SLC24A3: variants seen among roughly 807,000 people sequenced by gnomAD.
SLC24A3 encodes sodium/potassium/calcium exchanger 3.
In SLC24A3, 28 loss-of-function variants were observed where a neutral mutation model predicts 75.8. The observed-to-expected ratio is 0.37, with a 90% CI of 0.27 to 0.51. The LOEUF is 0.51. Ranked by LOEUF, SLC24A3 falls within the 20% of genes least tolerant of loss-of-function variation. The pLI, the probability that SLC24A3 is intolerant of heterozygous loss-of-function variation, is 0.94. For missense variants in SLC24A3, 663 were observed against 847.8 expected, an observed-to-expected ratio of 0.78 and a Z score of 2.71; for synonymous variants, 372 against 334.1, an observed-to-expected ratio of 1.11 and a Z score of -1.24.
intron 6 of SLC24A3, among the ~76,000 whole-genome samples, chr20:19,602,042 C>T (rs1312624201): frequency 6.6e-6 from 1 of 151,964 alleles, no homozygotes; most frequent in African/African-American, 2.4e-5. Flanking sequence ...GTGTGGCTGG[C>T]GGGTGCCTGT....
At chr20:19,530,786 G>C (rs981857812) in intron 3 of SLC24A3, among the ~76,000 whole-genome samples, 7 of 152,148 alleles carry the variant, frequency 4.6e-5, no homozygotes, top group Non-Finnish European at 7.3e-5. Flanking sequence ...CTGATGATAA[G>C]TCCCTAGACA....
rs1986773443 is a variant in SLC24A3, at chr20:19,413,117, C to A, written c.272-102371C>A. Among the ~76,000 whole-genome samples the A allele has an allele frequency of 2.0e-5, 3 of 152,158 alleles. No homozygotes were observed. The South Asian group carries it at 6.2e-4, about 32-fold the overall frequency. ...TTTCAGCCCTTTTGCCTTTGGGCTA[C>A]CTACTTAGTCGTTGAGAAAGACCAA... On this transcript the variant is annotated intron_variant, in intron 2 of 16. Transcript: ENST00000328041.
intron 3 of SLC24A3, among the ~76,000 whole-genome samples, chr20:19,536,035 C>T (rs2030390261): frequency 6.6e-6 from 1 of 152,050 alleles, no homozygotes; most frequent in Non-Finnish European, 1.5e-5. Flanking sequence ...CTTAAAGGTC[C>T]CACCTCTTAA....
At chr20:19,539,267 G>A (rs1264576433) in intron 3 of SLC24A3, among the ~76,000 whole-genome samples, 1 of 152,190 alleles carries the variant, frequency 6.6e-6, no homozygotes, top group Admixed American at 6.5e-5. Flanking sequence ...TGTTGCTGGT[G>A]ACATGGCAGC....
intron 2 of SLC24A3, among the ~76,000 whole-genome samples, chr20:19,499,827 A>G (rs1339851151): frequency 6.6e-6 from 1 of 152,196 alleles, no homozygotes. Flanking sequence ...GATGCTACAT[A>G]CATACATACA....
At chr20:19,540,059 T>A (rs1370343726) in intron 3 of SLC24A3, among the ~76,000 whole-genome samples, 1 of 152,156 alleles carries the variant, frequency 6.6e-6, no homozygotes, top group African/African-American at 2.4e-5. Flanking sequence ...CTGGTTTCTG[T>A]GGTTCACTTG....
intron 1 of SLC24A3, among the ~76,000 whole-genome samples, chr20:19,265,062 C>T (rs371125220): frequency 1.3e-5 from 2 of 152,316 alleles, no homozygotes; most frequent in African/African-American, 4.8e-5. Context: ...AAAACCCAAA[C>T]CAGGACACCT....
At chr20:19,572,469 A>C (rs942068608) in intron 3 of SLC24A3, among the ~76,000 whole-genome samples, 1 of 143,764 alleles carries the variant, frequency 7.0e-6, no homozygotes, top group Non-Finnish European at 1.5e-5. Flanking sequence ...TAGCCCACTC[A>C]GGGGTACTGA....
chr20:19,484,718 A>G (rs1003606228), intron 2 of SLC24A3, among the ~76,000 whole-genome samples: 3 of 152,150 alleles, frequency 2.0e-5, no homozygotes, highest in African/African-American at 7.2e-5. Context: ...TCAATGGGTT[A>G]AGAGTTTCAG....
intron 6 of SLC24A3, among the ~76,000 whole-genome samples, chr20:19,632,674 G>A (rs762247500): frequency 5.9e-5 from 9 of 152,036 alleles, no homozygotes; most frequent in Non-Finnish European, 1.2e-4. Context: ...CAGGCACTGT[G>A]TTTTTATAGG....
intron 1 of SLC24A3, among the ~76,000 whole-genome samples, chr20:19,268,490 A>C (rs1226968901): frequency 6.6e-6 from 1 of 152,216 alleles, no homozygotes; most frequent in African/African-American, 2.4e-5. Context: ...TCCAAACGCA[A>C]AGGACCTTAG....
chr20:19,549,534 A>C (rs2030657583), intron 3 of SLC24A3, among the ~76,000 whole-genome samples: 1 of 152,238 alleles, frequency 6.6e-6, no homozygotes, highest in African/African-American at 2.4e-5. Flanking sequence ...CTGCAATCCC[A>C]GCACTTTGGG....
chr20:19,273,348 G>A (rs942459874), intron 1 of SLC24A3, among the ~76,000 whole-genome samples: 1 of 152,186 alleles, frequency 6.6e-6, no homozygotes, highest in Non-Finnish European at 1.5e-5. Flanking sequence ...CATTCTCCCA[G>A]GGTGCAAGAC....
At position 19,252,641 on chromosome 20, in the gene SLC24A3, G is replaced by GGCA. The variant is rs1194083200; in HGVS notation, c.143-28316_143-28315insAGC. On this transcript the variant is annotated intron_variant, in intron 1 of 16. Coordinates refer to ENST00000328041, the MANE Select transcript of SLC24A3 (RefSeq NM_020689.4). ...AAAACAAAAAGCCTGAAATTGGAAT[G>GGCA]GCGGGGGGGGGTGCCTGTTCCAGAA... Among the ~76,000 whole-genome samples the GGCA allele has an allele frequency of 9.8e-5, 12 of 121,932 alleles. 1 individual carries two copies. The East Asian group carries it at 7.6e-3, about 77-fold the overall frequency. 80.0% of individuals were successfully genotyped at this position (121,932 alleles called of 152,430 possible). A position where few individuals can be genotyped will look rare whatever the true frequency, so the allele number is the denominator to read the frequency against.
At chr20:19,283,779 T>C (rs1983728823) in intron 2 of SLC24A3, among the ~76,000 whole-genome samples, 1 of 152,236 alleles carries the variant, frequency 6.6e-6, no homozygotes, top group African/African-American at 2.4e-5. Flanking sequence ...GAATTACTAA[T>C]AAAGTGTGGA....
chr20:19,297,421 A>G (rs1984087625), intron 2 of SLC24A3, among the ~76,000 whole-genome samples: 1 of 152,214 alleles, frequency 6.6e-6, no homozygotes. Flanking sequence ...CCTTCTCAGG[A>G]ACCCCAGCTC....
At chr20:19,679,501 C>CGGAGAGGGAGACCGGGG (rs2032581893) in intron 9 of SLC24A3, among the ~76,000 whole-genome samples, 3 of 107,114 alleles carry the variant, frequency 2.8e-5, no homozygotes, top group East Asian at 3.0e-4. Flanking sequence ...TGGAAAGAGA[C>CGGAGAGGGAGACCGGGG]GGAGAGGGAG....
At chr20:19,254,903 G>A (rs1197514209) in intron 1 of SLC24A3, among the ~76,000 whole-genome samples, 1 of 152,184 alleles carries the variant, frequency 6.6e-6, no homozygotes. Context: ...AGAAAGTTAC[G>A]TAAACTCTCT....
chr20:19,524,372 G>T (rs1395882613), intron 3 of SLC24A3, among the ~76,000 whole-genome samples: 1 of 152,220 alleles, frequency 6.6e-6, no homozygotes, highest in Non-Finnish European at 1.5e-5. Context: ...ACTCTGGCCG[G>T]AGTTGACCTG....
Sources: allele counts gnomAD v4.1 joint callset (sites outside exome capture counted in the v4.1 genomes callset), GRCh38; gene constraint gnomAD v4.1.1; transcripts MANE v1.5; gene names NCBI Gene and HGNC (gene_info 2026-07-23, HGNC 2026-07-21).